Variants in SYN3 observed in about 807,000 individuals in gnomAD.
SYN3 encodes the protein synapsin-3.
A neutral mutation model predicts 65.8 loss-of-function variants in SYN3; 35 were observed. The ratio of observed to expected loss-of-function variants is 0.53; its 90% confidence interval spans 0.41 to 0.70. The LOEUF (loss-of-function observed/expected upper bound fraction) is 0.70, where lower values mean the gene tolerates loss of function less well. Ranked by LOEUF, SYN3 falls within the 30% of genes least tolerant of loss-of-function variation. The pLI, the probability that SYN3 is intolerant of heterozygous loss-of-function variation, is 0.00. For synonymous variants in SYN3, 270 were observed against 292.9 expected (o/e 0.92, Z 0.80); for missense variants, 680 against 749.0 (o/e 0.91, Z 1.08).
chr22:32,874,769 G>C (rs2048939243), intron 4 of SYN3, among the ~76,000 whole-genome samples: 1 of 152,196 alleles, frequency 6.6e-6, no homozygotes, highest in Non-Finnish European at 1.5e-5. Context: ...GGCCTGCGAA[G>C]GCTCCAGACT....
At chr22:32,678,610 TTCTTCCTCTTCTTCC>T (rs2060480203) in intron 6 of SYN3, among the ~76,000 whole-genome samples, 2 of 151,344 alleles carry the variant, frequency 1.3e-5, no homozygotes, top group African/African-American at 4.9e-5. Context: ...TTCTCCTTCT[TTCTTCCTCTTCTTCC>T]TCTTCCTCTT....
chr22:32,679,215 G>C (rs2060489613), intron 6 of SYN3, among the ~76,000 whole-genome samples: 1 of 151,716 alleles, frequency 6.6e-6, no homozygotes, highest in South Asian at 2.1e-4. Flanking sequence ...ACCACATCCA[G>C]CTAATTTTTG....
Position 32,510,933 on chromosome 22 carries a change from G to T in SYN3, c.*2759C>A, listed in dbSNP as rs2146031773. Among the ~76,000 whole-genome samples the T allele has an allele frequency of 6.6e-6, 1 of 151,544 alleles. No homozygotes were observed. Among genetic ancestry groups the T allele is most frequent in the South Asian group, 2.1e-4 (1 of 4,792 alleles). On this transcript the variant is annotated 3_prime_UTR_variant, in exon 14 of 14. Transcript: ENST00000358763. Reference sequence around the variant, plus strand: ...TCAGAGAACTATGAACTCATAGCGAGGTGACAGGATTTTAGGATGTGCATT... The same window carrying T: ...TCAGAGAACTATGAACTCATAGCGATGTGACAGGATTTTAGGATGTGCATT...
intron 3 of SYN3, among the ~76,000 whole-genome samples, chr22:32,971,942 G>A (rs935677832): frequency 1.1e-4 from 17 of 152,188 alleles, no homozygotes; most frequent in African/African-American, 3.9e-4. Flanking sequence ...AAGCCGGACA[G>A]CCCTTCAGAG....
rs192581712 is a variant in SYN3 at position 32,519,609 on chromosome 22, A to C, written c.1319-1275T>G. 11 of 152,310 alleles carry C rather than the reference A, an allele frequency of 7.2e-5. 1 individual carries two copies. In the East Asian group the frequency reaches 1.7e-3, roughly 24 times the overall value. 9.4% of individuals were successfully genotyped at this position (152,310 alleles called of 1,614,324 possible). On this transcript the variant is annotated intron_variant, in intron 12 of 13. Transcript: ENST00000358763. ...CACACAGGCTTCCACAAGCAAGCCA[A>C]GAGGCATCTAAGCTTGGGGATGTTG...
At chr22:32,858,706 G>C (rs983344530) in intron 6 of SYN3, among the ~76,000 whole-genome samples, 4 of 152,140 alleles carry the variant, frequency 2.6e-5, no homozygotes, top group Non-Finnish European at 5.9e-5. Flanking sequence ...TAATTACTAT[G>C]ATCTCCATTC....
intron 6 of SYN3, among the ~76,000 whole-genome samples, chr22:32,740,515 A>C (rs1213069101): frequency 6.6e-6 from 1 of 152,168 alleles, no homozygotes; most frequent in Non-Finnish European, 1.5e-5. Context: ...GCATATGCAA[A>C]ATAGCAGAGT....
At chr22:33,017,683 T>TA (rs2053492374) in intron 1 of SYN3, among the ~76,000 whole-genome samples, 1 of 152,144 alleles carries the variant, frequency 6.6e-6, no homozygotes, top group Non-Finnish European at 1.5e-5. Flanking sequence ...GTTGTTAGTA[T>TA]AAAAAAATGC....
intron 6 of SYN3, among the ~76,000 whole-genome samples, chr22:32,648,630 C>T (rs965126161): frequency 2.4e-4 from 36 of 152,312 alleles, no homozygotes; most frequent in African/African-American, 8.4e-4. Flanking sequence ...CTGTTTGGCA[C>T]ATATTAGCTA....
intron 6 of SYN3, among the ~76,000 whole-genome samples, chr22:32,657,429 A>C (rs1414076384): frequency 6.6e-6 from 1 of 152,120 alleles, no homozygotes; most frequent in African/African-American, 2.4e-5. Context: ...GGCCCGAGCC[A>C]CCCTCACTTC....
intron 6 of SYN3, chr22:32,863,095 C>T (rs2048591287): frequency 6.6e-6 from 1 of 152,634 alleles, no homozygotes; most frequent in Admixed American, 6.5e-5. Flanking sequence ...GTTATGTATA[C>T]ACCAGCAGGC....
rs934115235 is a variant in SYN3, at chr22:32,907,334, A to G, written c.461+24056T>C. Among the ~76,000 whole-genome samples, 9 of 152,340 alleles carry G rather than the reference A, an allele frequency of 5.9e-5. No homozygotes were observed. The East Asian group carries it at 1.5e-3, about 26-fold the overall frequency. ...ACACAGTAAGTGGCTGGGCCAGAAC[A>G]TGGACCCAGGCAGTCTGATTCCCAA... On this transcript the variant is annotated intron_variant, in intron 4 of 13. Transcript: ENST00000358763.
intron 1 of SYN3, among the ~76,000 whole-genome samples, chr22:33,050,055 A>AT (rs2054136790): frequency 6.6e-6 from 1 of 152,184 alleles, no homozygotes; most frequent in Non-Finnish European, 1.5e-5. Flanking sequence ...CTTAAAAAAA[A>AT]AAGTTATAAA....
At chr22:32,706,329 A>ATT (rs1484576012) in intron 6 of SYN3, among the ~76,000 whole-genome samples, 1 of 152,248 alleles carries the variant, frequency 6.6e-6, no homozygotes, top group African/African-American at 2.4e-5. Context: ...AAGCGACACC[A>ATT]TAAGTACAGA....
intron 1 of SYN3, among the ~76,000 whole-genome samples, chr22:33,015,631 A>G (rs2053450831): frequency 6.6e-6 from 1 of 152,190 alleles, no homozygotes; most frequent in Admixed American, 6.5e-5. Context: ...ATACTGAGAG[A>G]TTTATCAGCA....
chr22:32,790,573 G>A (rs1016892268), intron 6 of SYN3, among the ~76,000 whole-genome samples: 5 of 152,068 alleles, frequency 3.3e-5, no homozygotes, highest in Non-Finnish European at 7.4e-5. Flanking sequence ...CTACAGGCAC[G>A]TGCTACCAAG....
At chr22:32,823,759 C>T (rs1460237597) in intron 6 of SYN3, among the ~76,000 whole-genome samples, 1 of 151,926 alleles carries the variant, frequency 6.6e-6, no homozygotes, top group African/African-American at 2.4e-5. Flanking sequence ...AGTGAAAAGA[C>T]GTGGGGTGCA....
chr22:33,009,855 T>C (rs935464383), intron 1 of SYN3, among the ~76,000 whole-genome samples: 3 of 151,750 alleles, frequency 2.0e-5, no homozygotes, highest in African/African-American at 7.3e-5. Flanking sequence ...TGCAGATGTT[T>C]TGATAAACAG....
At position 32,651,730 on chromosome 22, in the gene SYN3, G is replaced by A. The variant is rs117321843; in HGVS notation, c.712-54994C>T. 4.1e-4 allele frequency among the ~76,000 whole-genome samples: 63 copies of A among 152,274 alleles called. 1 individual carries two copies. In the East Asian group the frequency reaches 0.011, roughly 27 times the overall value. On this transcript the variant is annotated intron_variant, in intron 6 of 13. Coordinates refer to ENST00000358763, the MANE Select transcript of SYN3 (RefSeq NM_003490.4). ...ACACCCTGCTTCCCAAACTGCTACT[G>A]ATGCTGCAACCAACTCCATCTCTGG...
Sources: allele counts gnomAD v4.1 joint callset (sites outside exome capture counted in the v4.1 genomes callset), GRCh38; gene constraint gnomAD v4.1.1; transcripts MANE v1.5; gene names NCBI Gene and HGNC (gene_info 2026-07-23, HGNC 2026-07-21).